Variants in ASXL1 observed in about 807,000 individuals in gnomAD.
The protein encoded by ASXL1 is polycomb group protein ASXL1.
Under a neutral mutation model 89.1 loss-of-function variants are expected in ASXL1, and 65 were observed. The observed-to-expected ratio is 0.73, with a 90% CI of 0.60 to 0.90. The LOEUF is 0.90. Among genes scored for constraint, ASXL1 ranks in the 40% least tolerant of loss-of-function variants. The probability of loss-of-function intolerance (pLI) is 0.00; values close to 1 mark genes in which losing one functional copy is unlikely to be tolerated. For synonymous variants in ASXL1, 739 were observed against 746.9 expected, an observed-to-expected ratio of 0.99 and a Z score of 0.17; for missense variants, 1,786 against 1,942.9, an observed-to-expected ratio of 0.92 and a Z score of 1.52.
chr20:32,434,051 T>C, intron 12 of ASXL1, 134 bp downstream of exon 12: 2 of 1,285,234 alleles, frequency 1.6e-6, no homozygotes, highest in Non-Finnish European at 2.2e-6. Context: ...GAGGTTTGCT[T>C]GAGACAGCCT....
intron 4 of ASXL1, among the ~76,000 whole-genome samples, chr20:32,423,622 C>G (rs549688482): frequency 6.6e-6 from 1 of 152,132 alleles, no homozygotes. Context: ...ATGATCTTGG[C>G]TCACTGCAGC....
chr20:32,407,706 C>T (rs2048979483), intron 4 of ASXL1, among the ~76,000 whole-genome samples: 2 of 152,202 alleles, frequency 1.3e-5, no homozygotes, highest in Admixed American at 1.3e-4. Flanking sequence ...CTCAAGTGAT[C>T]ATCCCACCTC....
chr20:32,400,313 G>A (rs1320178076), intron 4 of ASXL1, among the ~76,000 whole-genome samples: 1 of 152,044 alleles, frequency 6.6e-6, no homozygotes, highest in African/African-American at 2.4e-5. Context: ...ACCTCGTTGG[G>A]TGCTGGGGAT....
chr20:32,396,136 G>A (rs1468337017), intron 4 of ASXL1, among the ~76,000 whole-genome samples: 1 of 152,126 alleles, frequency 6.6e-6, no homozygotes, highest in Non-Finnish European at 1.5e-5. Context: ...TCTGCTTAAC[G>A]TGCTCAATGT....
chr20:32,429,704 T>C lies in ASXL1; in HGVS notation c.566-197T>C, dbSNP rs2011460741. ...AGGTGTAGTGCTATACAAATAAAGA[T>C]GGCAGTTTGGCACCTGTAAGGTGAT... On this transcript the variant is annotated intron_variant, in intron 7 of 12. Transcript: ENST00000375687. This position sits in a 1 kb window ranked among gnomAD's most constrained non-coding sequence, Gnocchi z 4.9. The C allele has an allele frequency of 1.1e-5, 8 of 755,732 alleles. No individual in the cohort carries two copies. In the South Asian group the frequency reaches 1.3e-4, roughly 12 times the overall value. The allele number at this position is 755,732 out of a possible 1,614,324, so 46.8% of individuals were successfully genotyped here. A position where few individuals can be genotyped will look rare whatever the true frequency, so the allele number is the denominator to read the frequency against.
intron 4 of ASXL1, among the ~76,000 whole-genome samples, chr20:32,379,854 A>G (rs2048456993): frequency 6.6e-6 from 1 of 151,896 alleles, no homozygotes; most frequent in Non-Finnish European, 1.5e-5. Context: ...AAAAGATGTC[A>G]GTTATGGCTA....
At chr20:32,366,672 C>T in intron 2 of ASXL1, 2 of 688,348 alleles carry the variant, frequency 2.9e-6, no homozygotes, top group Non-Finnish European at 3.6e-6. Context: ...TTTAGAGGTG[C>T]AGTGGCTTTC....
chr20:32,404,061 A>G (rs975717342), intron 4 of ASXL1, among the ~76,000 whole-genome samples: 2 of 152,148 alleles, frequency 1.3e-5, no homozygotes, highest in Non-Finnish European at 2.9e-5. Flanking sequence ...TGAAATATAA[A>G]CAAATTATAG....
At chr20:32,375,734 G>A (rs1297685947) in intron 4 of ASXL1, among the ~76,000 whole-genome samples, 1 of 151,684 alleles carries the variant, frequency 6.6e-6, no homozygotes, top group East Asian at 1.9e-4. Context: ...CCAGGCTGGA[G>A]TGCAGTGGCA....
chr20:32,410,446 A>G (rs2049024156), intron 4 of ASXL1, among the ~76,000 whole-genome samples: 1 of 152,080 alleles, frequency 6.6e-6, no homozygotes, highest in Non-Finnish European at 1.5e-5. Context: ...CAGCCCCCCA[A>G]GTTTAATTTC....
Position 32,434,460 on chromosome 20 carries a change from GGGT to G in ASXL1, c.1752_1754del (p.Val585del). On this transcript the variant is annotated inframe_deletion, in exon 13 of 13. Coordinates refer to ENST00000375687, the MANE Select transcript of ASXL1 (RefSeq NM_015338.6). Reference sequence around the variant, plus strand: ...CAACTTTCACGTATCAAACCACCCTGGGTGGTTAAAGGTCAGCCCACTTACCAG... The same window carrying G: ...CAACTTTCACGTATCAAACCACCCTGGGTTAAAGGTCAGCCCACTTACCAG... The G allele has an allele frequency of 6.2e-7, 1 of 1,614,026 alleles. No homozygotes were observed.
intron 1 of ASXL1, among the ~76,000 whole-genome samples, chr20:32,360,967 G>C (rs1221389401): frequency 6.6e-6 from 1 of 152,086 alleles, no homozygotes; most frequent in Non-Finnish European, 1.5e-5. Flanking sequence ...GGCTGGTCTC[G>C]AACTCGTGAC....
intron 4 of ASXL1, among the ~76,000 whole-genome samples, chr20:32,425,340 A>C (rs539500173): frequency 1.1e-3 from 171 of 151,978 alleles, no homozygotes; most frequent in African/African-American, 3.6e-3. Context: ...GTAGATGTGC[A>C]TGTACTTCTC....
chr20:32,404,988 G>A (rs1030070343), intron 4 of ASXL1, among the ~76,000 whole-genome samples: 12 of 152,008 alleles, frequency 7.9e-5, no homozygotes, highest in South Asian at 2.1e-4. Context: ...ATCTTCCTGC[G>A]TGAATTTTCT....
chr20:32,434,548 G>C lies in ASXL1; in HGVS notation c.1836G>C (p.Arg612Ser). 6.2e-7 allele frequency: 1 copy of C among 1,613,822 alleles called. No homozygotes were observed. The highest frequency in any genetic ancestry group is 8.5e-7 in the Non-Finnish European group (1 of 1,180,030). ...CCTGCCGGGGTTGGACTGGCGCCAGGACCCTCGCAGACATTAAAGCCCGTG... is the reference window on the plus strand; with the variant it reads ...CCTGCCGGGGTTGGACTGGCGCCAGCACCCTCGCAGACATTAAAGCCCGTG... ...ESSCRGWTGA[R>S]TLADIKARAL... The change falls in exon 13 of 13, where the codon AGG becomes AGC. Residue 612 changes from arginine to serine, a missense_variant. This residue lies in a region of ASXL1 where 1,418 missense variants were observed against 1,427.8 expected (regional missense o/e 0.99). Coordinates refer to ENST00000375687, the MANE Select transcript of ASXL1 (RefSeq NM_015338.6).
At position 32,435,244 on chromosome 20, in the gene ASXL1, C is replaced by T. The variant is rs755903391; in HGVS notation, c.2532C>T (p.Thr844=). ...CTATGAAGGATCCTGTAAATGTGAC[C>T]CCCAGTTCCACACCTGAATCCTCAC... ...HPTMKDPVNV[T]PSSTPESSPT... Residue 844 remains threonine (T), a synonymous_variant, in exon 13 of 13, where the codon ACC becomes ACT. Coordinates refer to ENST00000375687, the MANE Select transcript of ASXL1 (RefSeq NM_015338.6). The T allele has an allele frequency of 1.2e-6, 2 of 1,613,942 alleles. No homozygotes were observed. Among genetic ancestry groups the T allele is most frequent in the Admixed American group, 1.7e-5 (1 of 60,012 alleles).
At chr20:32,417,383 C>T (rs2049156142) in intron 4 of ASXL1, among the ~76,000 whole-genome samples, 2 of 152,260 alleles carry the variant, frequency 1.3e-5, no homozygotes, top group East Asian at 1.9e-4. Context: ...AGTAAGAACT[C>T]AGACAATTTC....
At chr20:32,368,909 A>T (rs2048248843) in intron 3 of ASXL1, 106 bp from the exon 4 acceptor site, 3 of 863,850 alleles carry the variant, frequency 3.5e-6, no homozygotes, top group Admixed American at 2.7e-5. Flanking sequence ...TTTCTTCTGT[A>T]TTTCTTGCTT....
intron 4 of ASXL1, among the ~76,000 whole-genome samples, chr20:32,393,346 T>C (rs931076869): frequency 1.3e-5 from 2 of 152,250 alleles, no homozygotes; most frequent in Admixed American, 6.5e-5. Context: ...AAAAAACTTA[T>C]CACCTGTGTC....
Sources: allele counts gnomAD v4.1 joint callset (sites outside exome capture counted in the v4.1 genomes callset), GRCh38; gene constraint gnomAD v4.1.1; regional missense constraint gnomAD v4.1.1; non-coding constraint Gnocchi (gnomAD v3.1); transcripts MANE v1.5; gene names NCBI Gene and HGNC (gene_info 2026-07-23, HGNC 2026-07-21).